AP1S3: variants seen among roughly 807,000 people sequenced by gnomAD.
AP1S3 encodes AP-1 complex subunit sigma-3.
AP1S3 carries 10 observed loss-of-function variants against 20.9 expected under a neutral mutation model. The ratio of observed to expected loss-of-function variants is 0.48; its 90% confidence interval spans 0.29 to 0.81. The LOEUF (loss-of-function observed/expected upper bound fraction) is 0.81, where lower values mean the gene tolerates loss of function less well. Among genes scored for constraint, AP1S3 ranks in the 30% least tolerant of loss-of-function variants. The probability of loss-of-function intolerance (pLI) is 0.08; values close to 1 mark genes in which losing one functional copy is unlikely to be tolerated. For synonymous variants in AP1S3, 41 were observed against 61.5 expected (o/e 0.67, Z 1.56); for missense variants, 154 against 183.8 (o/e 0.84, Z 0.94).
At chr2:223,828,171 T>C (rs1692177347) in intron 1 of AP1S3, among the ~76,000 whole-genome samples, 1 of 151,586 alleles carries the variant, frequency 6.6e-6, no homozygotes, top group Admixed American at 6.6e-5. Context: ...CCTGTGCTGA[T>C]TGAACCAAGC....
rs147006308 is a variant in AP1S3 at position 223,832,666 on chromosome 2, A to C, written c.3+4782T>G. 1.4e-3 allele frequency among the ~76,000 whole-genome samples: 210 copies of C among 152,294 alleles called. 2 individuals are homozygous for C. Among genetic ancestry groups the C allele is most frequent in the Middle Eastern group, 6.8e-3 (2 of 294 alleles). On this transcript the variant is annotated intron_variant, in intron 1 of 4. Transcript: ENST00000396654. ...AATCATTACATGCTTATTACAATTC[A>C]TTCAAGCTTCAGAACATAAAATTGA...
intron 3 of AP1S3, 114 bp downstream of exon 3, chr2:223,775,787 G>A: frequency 1.3e-6 from 1 of 791,726 alleles, no homozygotes; most frequent in South Asian, 1.7e-5. Flanking sequence ...TTCGGTTCAA[G>A]TTCAATTCAT....
At chr2:223,820,698 C>A (rs1691967453) in intron 1 of AP1S3, among the ~76,000 whole-genome samples, 1 of 150,912 alleles carries the variant, frequency 6.6e-6, no homozygotes, top group Admixed American at 6.6e-5. Context: ...GCCAGACCTT[C>A]CTGGACTGCC....
intron 3 of AP1S3, among the ~76,000 whole-genome samples, chr2:223,771,492 A>G (rs1340258852): frequency 6.6e-6 from 1 of 152,236 alleles, no homozygotes; most frequent in Non-Finnish European, 1.5e-5. Flanking sequence ...GTTAATAAAC[A>G]TGAGCCTCTT....
chr2:223,828,069 A>AAAAAAAAAAAAAAAAAAAAAAAAAAAC, intron 1 of AP1S3, among the ~76,000 whole-genome samples: 1 of 36,844 alleles, frequency 2.7e-5, no homozygotes, highest in Non-Finnish European at 5.6e-5. Flanking sequence ...AAAAAAAAAA[A>AAAAAAAAAAAAAAAAAAAAAAAAAAAC]AAAAAAAAAA....
chr2:223,765,204 C>G lies in AP1S3; in HGVS notation c.429+9G>C, dbSNP rs369023837. On this transcript the variant is annotated intron_variant, in intron 4 of 4. Transcript: ENST00000396654. ...ATCTTTCTCCCATGGTTTGGGAAAC[C>G]GTACTGACCTCCTGTAACATATCAG... 1.1e-5 allele frequency: 18 copies of G among 1,608,812 alleles called. No homozygotes were observed. In the Admixed American group the frequency reaches 2.7e-4, roughly 24 times the overall value.
intron 1 of AP1S3, 23 bp from the exon 2 acceptor site, chr2:223,777,892 C>T (rs1211193453): frequency 1.1e-5 from 18 of 1,596,684 alleles, no homozygotes; most frequent in Non-Finnish European, 1.5e-5. Context: ...ACACAAAAAA[C>T]AGAACCTGAT....
intron 1 of AP1S3, among the ~76,000 whole-genome samples, chr2:223,802,449 C>A (rs1416330958): frequency 6.6e-6 from 1 of 151,876 alleles, no homozygotes; most frequent in African/African-American, 2.4e-5. Flanking sequence ...ATTATAGGCA[C>A]CTGCCAGCAT....
At chr2:223,827,701 A>G (rs7569565) in intron 1 of AP1S3, among the ~76,000 whole-genome samples, 16 of 151,308 alleles carry the variant, frequency 1.1e-4, no homozygotes, top group Admixed American at 7.2e-4. Flanking sequence ...TGTTTATTTC[A>G]TCAGTTTAAA....
At chr2:223,759,579 A>G (rs1690304038) in intron 4 of AP1S3, among the ~76,000 whole-genome samples, 1 of 152,204 alleles carries the variant, frequency 6.6e-6, no homozygotes, top group Admixed American at 6.5e-5. Context: ...TTTCTGCCAT[A>G]TGTTTTCAAA....
In AP1S3 at chr2:223,756,174, C is replaced by T. The variant is rs1172438788; in HGVS notation, c.*2541G>A. 2.5e-5 allele frequency: 9 copies of T among 365,004 alleles called. No homozygotes were observed. The highest frequency in any genetic ancestry group is 3.4e-5 in the Non-Finnish European group (9 of 263,046). 22.6% of individuals were successfully genotyped at this position (365,004 alleles called of 1,614,324 possible). A position where few individuals can be genotyped will look rare whatever the true frequency, so the allele number is the denominator to read the frequency against. On this transcript the variant is annotated 3_prime_UTR_variant, in exon 5 of 5. Transcript: ENST00000396654. ...CCAACATGGAGAAATCCCAACTCTA[C>T]CAAAAATACAAAATTAGCCAGGCGT...
intron 1 of AP1S3, among the ~76,000 whole-genome samples, chr2:223,781,101 C>T (rs948110989): frequency 2.6e-5 from 4 of 152,016 alleles, no homozygotes; most frequent in Admixed American, 6.6e-5. Flanking sequence ...ATCCGTGTTG[C>T]TGCAGAGGAC....
chr2:223,774,139 CG>C (rs1559278231), intron 3 of AP1S3, among the ~76,000 whole-genome samples: 1 of 152,042 alleles, frequency 6.6e-6, no homozygotes, highest in South Asian at 2.1e-4. Flanking sequence ...CCAAGGCAGG[CG>C]GATCGCCCGA....
intron 3 of AP1S3, among the ~76,000 whole-genome samples, chr2:223,774,772 T>C (rs185504396): frequency 1.5e-4 from 23 of 152,350 alleles, no homozygotes; most frequent in Admixed American, 1.4e-3. Flanking sequence ...TGCGTCCTTT[T>C]GCACTGAAGG....
intron 1 of AP1S3, among the ~76,000 whole-genome samples, chr2:223,829,846 CA>C (rs747229566): frequency 1.6e-5 from 2 of 125,408 alleles, no homozygotes; most frequent in Admixed American, 7.9e-5. Context: ...CAAAAAAAAA[CA>C]AAAAAAAAAC....
intron 2 of AP1S3, 23 bp downstream of exon 2, chr2:223,777,668 A>G: frequency 6.2e-7 from 1 of 1,602,428 alleles, no homozygotes; most frequent in Non-Finnish European, 8.5e-7. Context: ...TGAGAAATTG[A>G]GCTCTCAAAA....
rs1023093579 is a variant in AP1S3 at position 223,793,835 on chromosome 2, C to T, written c.4-15966G>A. Among the ~76,000 whole-genome samples the T allele has an allele frequency of 4.6e-5, 7 of 151,798 alleles. No homozygotes were observed. The South Asian group carries it at 6.2e-4, about 14-fold the overall frequency. The stretch of plus-strand genomic sequence containing the variant: ...TTTTTTGTTTGTTTTTGTTTTGAGA[C>T]GGTTCACCATGCTGGCCAGGCTCGT... On this transcript the variant is annotated intron_variant, in intron 1 of 4. Transcript: ENST00000396654.
intron 1 of AP1S3, among the ~76,000 whole-genome samples, chr2:223,793,543 G>C (rs148406741): frequency 8.4e-4 from 128 of 152,148 alleles, no homozygotes; most frequent in East Asian, 2.7e-3. Flanking sequence ...GGACACATTG[G>C]GGGGAACAGT....
chr2:223,780,563 A>ATT (rs148754048), intron 1 of AP1S3, among the ~76,000 whole-genome samples: 2,524 of 151,254 alleles, frequency 0.017, 75 homozygotes, highest in African/African-American at 0.058. Context: ...AAGTTCTGGG[A>ATT]TTACAGGTGT....
Sources: allele counts gnomAD v4.1 joint callset (sites outside exome capture counted in the v4.1 genomes callset), GRCh38; gene constraint gnomAD v4.1.1; transcripts MANE v1.5; gene names NCBI Gene and HGNC (gene_info 2026-07-23, HGNC 2026-07-21).